CFAP299: variants seen among roughly 807,000 people sequenced by gnomAD.
CFAP299 encodes the protein cilia- and flagella-associated protein 299.
In CFAP299, 21 loss-of-function variants were observed where a neutral mutation model predicts 27.0. The ratio of observed to expected loss-of-function variants is 0.78; its 90% confidence interval spans 0.55 to 1.12. CFAP299 has a LOEUF of 1.12. Ranked by LOEUF, CFAP299 falls within the 50% of genes most tolerant of loss-of-function variation. The pLI, the probability that CFAP299 is intolerant of heterozygous loss-of-function variation, is 0.00. For synonymous variants in CFAP299, 104 were observed against 98.1 expected, an observed-to-expected ratio of 1.06 and a Z score of -0.36; for missense variants, 310 against 276.6, an observed-to-expected ratio of 1.12 and a Z score of -0.86.
At chr4:80,539,163 T>A (rs1733884337) in intron 2 of CFAP299, among the ~76,000 whole-genome samples, 1 of 152,224 alleles carries the variant, frequency 6.6e-6, no homozygotes, top group Non-Finnish European at 1.5e-5. Flanking sequence ...ACATTTGGAA[T>A]ACCCACCTTA....
At chr4:80,368,017 G>A (rs905743361) in intron 2 of CFAP299, among the ~76,000 whole-genome samples, 1 of 152,184 alleles carries the variant, frequency 6.6e-6, no homozygotes, top group Non-Finnish European at 1.5e-5. Flanking sequence ...AAGATCATCA[G>A]TTTTTCACTT....
At chr4:80,691,547 A>G (rs574252388) in intron 3 of CFAP299, among the ~76,000 whole-genome samples, 2 of 152,268 alleles carry the variant, frequency 1.3e-5, no homozygotes, top group African/African-American at 4.8e-5. Flanking sequence ...CGTATTTCAA[A>G]ATAATAGGAG....
chr4:80,448,093 C>T (rs1728732008), intron 2 of CFAP299, among the ~76,000 whole-genome samples: 1 of 152,214 alleles, frequency 6.6e-6, no homozygotes, highest in South Asian at 2.1e-4. Context: ...TGCATTCTCT[C>T]TGCTCAGATT....
intron 2 of CFAP299, among the ~76,000 whole-genome samples, chr4:80,566,575 G>A (rs17004942): frequency 0.04 from 6,088 of 152,158 alleles, 361 homozygotes; most frequent in African/African-American, 0.13. Flanking sequence ...AGGACCTTCA[G>A]CTTTCTAAAG....
chr4:80,487,444 T>C (rs1005869676), intron 2 of CFAP299, among the ~76,000 whole-genome samples: 5 of 152,166 alleles, frequency 3.3e-5, no homozygotes, highest in Non-Finnish European at 7.4e-5. Flanking sequence ...GTGCCATAGT[T>C]TTTGTTAGAC....
intron 2 of CFAP299, among the ~76,000 whole-genome samples, chr4:80,395,761 A>C (rs986294551): frequency 7.2e-5 from 11 of 152,142 alleles, no homozygotes; most frequent in African/African-American, 2.4e-4. Flanking sequence ...TGAAGTATTA[A>C]AATTAAATTC....
At chr4:80,365,265 T>C (rs913452416) in intron 2 of CFAP299, among the ~76,000 whole-genome samples, 3 of 152,222 alleles carry the variant, frequency 2.0e-5, no homozygotes, top group Admixed American at 6.5e-5. Context: ...TGTTGTTTTT[T>C]GACTTTTTAA....
chr4:80,755,779 C>T (rs1725203186), intron 3 of CFAP299, among the ~76,000 whole-genome samples: 1 of 152,082 alleles, frequency 6.6e-6, no homozygotes, highest in Admixed American at 6.6e-5. Flanking sequence ...TTTTACACTT[C>T]TCATGAATAA....
At chr4:80,480,190 A>G (rs1177330379) in intron 2 of CFAP299, among the ~76,000 whole-genome samples, 2 of 151,938 alleles carry the variant, frequency 1.3e-5, no homozygotes, top group African/African-American at 4.8e-5. Context: ...AGATTTTTAC[A>G]TACAAATGTT....
chr4:80,492,905 C>CA (rs1288888063), intron 2 of CFAP299, among the ~76,000 whole-genome samples: 1 of 152,098 alleles, frequency 6.6e-6, no homozygotes, highest in Non-Finnish European at 1.5e-5. Flanking sequence ...TGTGAGAGCT[C>CA]AGTGAGAGCC....
intron 3 of CFAP299, among the ~76,000 whole-genome samples, chr4:80,617,047 G>A (rs774061850): frequency 2.6e-4 from 40 of 151,716 alleles, no homozygotes; most frequent in Admixed American, 1.8e-3. Context: ...AACTATCTAC[G>A]GAAATAGGAT....
chr4:80,476,420 G>A (rs1730275876), intron 2 of CFAP299, among the ~76,000 whole-genome samples: 1 of 152,094 alleles, frequency 6.6e-6, no homozygotes, highest in South Asian at 2.1e-4. Context: ...AGGCTTCAGT[G>A]GGAAGGTATG....
At chr4:80,445,161 A>G (rs1578451166) in intron 2 of CFAP299, among the ~76,000 whole-genome samples, 2 of 152,210 alleles carry the variant, frequency 1.3e-5, no homozygotes, top group East Asian at 3.9e-4. Flanking sequence ...TGACCCAGCA[A>G]TCCCATTACT....
chr4:80,787,804 T>C (rs867689579), intron 3 of CFAP299, among the ~76,000 whole-genome samples: 14 of 151,948 alleles, frequency 9.2e-5, no homozygotes, highest in African/African-American at 3.1e-4. Context: ...ATCAAACATA[T>C]GGAGTTTTTC....
At chr4:80,696,654 A>G (rs1471827113) in intron 3 of CFAP299, among the ~76,000 whole-genome samples, 1 of 152,332 alleles carries the variant, frequency 6.6e-6, no homozygotes, top group Non-Finnish European at 1.5e-5. Flanking sequence ...AAAAGGGAAT[A>G]AAAACAGGGT....
intron 3 of CFAP299, among the ~76,000 whole-genome samples, chr4:80,725,098 C>T (rs1180762518): frequency 6.8e-6 from 1 of 147,382 alleles, no homozygotes. Flanking sequence ...GCATGCACCA[C>T]CATGCCTGGC....
intron 2 of CFAP299, among the ~76,000 whole-genome samples, chr4:80,581,451 G>GAGAT (rs1439141325): frequency 3.9e-4 from 6 of 15,474 alleles, no homozygotes; most frequent in Admixed American, 1.8e-3. Context: ...GATATTAAGT[G>GAGAT]AGATATATAT....
rs960644260 is a variant in CFAP299, at chr4:80,562,499, G to A, written c.243-20594G>A. ...CGTAATCCCAGCTACAAAGATTAGA[G>A]CCTTTGTTAGGCTCTAACCAGCTTA... On this transcript the variant is annotated intron_variant, in intron 2 of 5. Transcript: ENST00000358105. 2.0e-5 allele frequency among the ~76,000 whole-genome samples: 3 copies of A among 151,170 alleles called. No individual in the cohort carries two copies. The East Asian group carries it at 5.9e-4, about 30-fold the overall frequency.
At chr4:80,356,313 A>G (rs951545121) in intron 1 of CFAP299, among the ~76,000 whole-genome samples, 2 of 152,124 alleles carry the variant, frequency 1.3e-5, no homozygotes, top group Non-Finnish European at 2.9e-5. Flanking sequence ...TCCTGACTAT[A>G]TGAGCCCTTC....
Sources: gnomAD v4.1 joint callset for allele counts (sites outside exome capture counted in the v4.1 genomes callset) on GRCh38, gnomAD v4.1.1 for gene constraint, MANE v1.5 for transcripts, NCBI Gene and HGNC (gene_info 2026-07-23, HGNC 2026-07-21) for gene names.